Variants in FAM168B observed in about 807,000 individuals in gnomAD.
FAM168B encodes the protein family with sequence similarity 168 member B, also known as myelin-associated neurite-outgrowth inhibitor.
Under a neutral mutation model 21.8 loss-of-function variants are expected in FAM168B, and 19 were observed. That is an observed-to-expected ratio of 0.87 (90% CI 0.61 to 1.28). The LOEUF (loss-of-function observed/expected upper bound fraction) is 1.28, where lower values mean the gene tolerates loss of function less well. Among genes scored for constraint, FAM168B ranks in the 50% most tolerant of loss-of-function variants. FAM168B has a pLI of 0.00. For synonymous variants in FAM168B, 126 were observed against 104.8 expected, an observed-to-expected ratio of 1.20 and a Z score of -1.24; for missense variants, 233 against 263.1, an observed-to-expected ratio of 0.89 and a Z score of 0.79.
intron 1 of FAM168B, among the ~76,000 whole-genome samples, chr2:131,084,665 C>A (rs929893394): frequency 2.0e-5 from 3 of 152,178 alleles, no homozygotes; most frequent in Non-Finnish European, 2.9e-5. Flanking sequence ...GGACTCTACC[C>A]CTCCCCAACA....
At chr2:131,072,599 C>T (rs962395727) in intron 2 of FAM168B, among the ~76,000 whole-genome samples, 1 of 152,054 alleles carries the variant, frequency 6.6e-6, no homozygotes, top group Non-Finnish European at 1.5e-5. Flanking sequence ...GCTGGGATTA[C>T]AGGCATCTAC....
rs116666098 is a variant in FAM168B at position 131,086,038 on chromosome 2, T to C, written c.-11-3381A>G. ...GGGAGGAAACAAGTATACAAAGGCA[T>C]AGCAGGTAGGCAGGAGAATCAATTG... On this transcript the variant is annotated intron_variant, in intron 1 of 6. Transcript: ENST00000389915. 6.1e-3 allele frequency among the ~76,000 whole-genome samples: 924 copies of C among 152,280 alleles called. 9 individuals carry two copies. The highest frequency in any genetic ancestry group is 0.02 in the African/African-American group (842 of 41,556).
intron 3 of FAM168B, among the ~76,000 whole-genome samples, chr2:131,065,740 G>A (rs1692519509): frequency 6.9e-6 from 1 of 145,724 alleles, no homozygotes; most frequent in African/African-American, 2.5e-5. Context: ...AGTGAGCTGA[G>A]ATCGCACTAC....
At chr2:131,085,516 C>T (rs904304104) in intron 1 of FAM168B, among the ~76,000 whole-genome samples, 4 of 152,178 alleles carry the variant, frequency 2.6e-5, no homozygotes, top group South Asian at 2.1e-4. Context: ...AAATCCATTA[C>T]GAAGACAAAA....
chr2:131,091,346 A>C (rs932631574), intron 1 of FAM168B, among the ~76,000 whole-genome samples: 2 of 150,550 alleles, frequency 1.3e-5, no homozygotes, highest in Non-Finnish European at 3.0e-5. Flanking sequence ...CAAAAAAATA[A>C]ATGAATAAAT....
chr2:131,081,006 T>C (rs1398440887), intron 2 of FAM168B, among the ~76,000 whole-genome samples: 1 of 152,172 alleles, frequency 6.6e-6, no homozygotes, highest in East Asian at 1.9e-4. Context: ...TACTCAGCCC[T>C]TCTGGAGAAG....
At chr2:131,059,619 C>G (rs1160285087) in intron 3 of FAM168B, among the ~76,000 whole-genome samples, 2 of 152,174 alleles carry the variant, frequency 1.3e-5, no homozygotes. Flanking sequence ...GAGCTACCCT[C>G]TGTGTGTCAC....
chr2:131,091,132 G>A lies in FAM168B; in HGVS notation c.-12+2082C>T, dbSNP rs537790201. Among the ~76,000 whole-genome samples, 20 of 152,206 alleles carry A rather than the reference G, an allele frequency of 1.3e-4. No homozygotes were observed. In the East Asian group the frequency reaches 3.3e-3, roughly 25 times the overall value. On this transcript the variant is annotated intron_variant, in intron 1 of 6. Coordinates refer to ENST00000389915, the MANE Select transcript of FAM168B (RefSeq NM_001009993.4). ...GTGGATCACTTGAGGTCAAGAGTTCGAGACCAGCCTGGCCAACATAGTGAG... is the reference window on the plus strand; with the variant it reads ...GTGGATCACTTGAGGTCAAGAGTTCAAGACCAGCCTGGCCAACATAGTGAG...
In FAM168B at chr2:131,048,585, T is replaced by A; in HGVS notation, c.*3880A>T. On this transcript the variant is annotated 3_prime_UTR_variant, in exon 7 of 7. Coordinates refer to ENST00000389915, the MANE Select transcript of FAM168B (RefSeq NM_001009993.4). ...CAGTTTCCGACCCAAATAGGCCACA[T>A]ACCCCAACTTCTGTGTTACTTGGTC... The A allele has an allele frequency of 9.1e-7, 1 of 1,099,074 alleles. No individual in the cohort carries two copies. The highest frequency in any genetic ancestry group is 1.1e-6 in the Non-Finnish European group (1 of 893,206). The allele number at this position is 1,099,074 out of a possible 1,614,324, so 68.1% of individuals were successfully genotyped here.
intron 3 of FAM168B, among the ~76,000 whole-genome samples, chr2:131,065,098 G>A (rs1025069044): frequency 1.3e-5 from 2 of 152,196 alleles, no homozygotes; most frequent in African/African-American, 2.4e-5. Context: ...GGTCGGGGCA[G>A]CAAAGTGAGA....
chr2:131,074,637 G>A (rs944204379), intron 2 of FAM168B, among the ~76,000 whole-genome samples: 1 of 152,144 alleles, frequency 6.6e-6, no homozygotes, highest in Non-Finnish European at 1.5e-5. Flanking sequence ...CACTTGGACT[G>A]GGATTTTTAA....
intron 3 of FAM168B, among the ~76,000 whole-genome samples, chr2:131,061,180 C>G (rs903481734): frequency 2.2e-5 from 3 of 134,894 alleles, no homozygotes; most frequent in African/African-American, 7.9e-5. Flanking sequence ...GAAGGCCGGG[C>G]GTGGTGGCTC....
intron 1 of FAM168B, among the ~76,000 whole-genome samples, chr2:131,092,527 T>C (rs1299941771): frequency 6.6e-6 from 1 of 152,360 alleles, no homozygotes; most frequent in African/African-American, 2.4e-5. Flanking sequence ...TTTTTATTTA[T>C]AAAGCTTCCT....
chr2:131,053,655 T>C (rs78587524), intron 5 of FAM168B, among the ~76,000 whole-genome samples: 2,079 of 152,158 alleles, frequency 0.014, 41 homozygotes, highest in African/African-American at 0.043. Flanking sequence ...GGTGGGAGGA[T>C]AGCTTAAGTT....
intron 2 of FAM168B, among the ~76,000 whole-genome samples, chr2:131,078,954 T>C (rs1693301425): frequency 6.7e-6 from 1 of 148,976 alleles, no homozygotes; most frequent in African/African-American, 2.5e-5. Flanking sequence ...ACCACTGCAC[T>C]GGGGCCTGAA....
intron 3 of FAM168B, among the ~76,000 whole-genome samples, chr2:131,061,290 A>G (rs1219763770): frequency 6.7e-6 from 1 of 148,628 alleles, no homozygotes; most frequent in Non-Finnish European, 1.5e-5. Flanking sequence ...CTCGCCTCCA[A>G]AATTTAAAAA....
In FAM168B at chr2:131,071,913, T is replaced by C. The variant is rs1692890943; in HGVS notation, c.96A>G (p.Ala32=). Reference sequence around the variant, plus strand: ...TGTTAGGAGAATAGGCAGGAGCTGCTGCTGCATAGCCCATGGGAAAACCAG... The same window carrying C: ...TGTTAGGAGAATAGGCAGGAGCTGCCGCTGCATAGCCCATGGGAAAACCAG... ...YPAGFPMGYA[A]AAPAYSPNMY... is the part of the protein sequence containing the mutation. Residue 32 remains alanine (A), a synonymous_variant, in exon 3 of 7, where the codon GCA becomes GCG. Coordinates refer to ENST00000389915, the MANE Select transcript of FAM168B (RefSeq NM_001009993.4). 1 of 1,614,134 alleles carries C rather than the reference T, an allele frequency of 6.2e-7. No individual in the cohort carries two copies. The highest frequency in any genetic ancestry group is 8.5e-7 in the Non-Finnish European group (1 of 1,179,998).
rs1691444361 is a variant in FAM168B, at chr2:131,048,607, G to C, written c.*3858C>G. The C allele has an allele frequency of 1.8e-6, 2 of 1,086,126 alleles. No individual in the cohort carries two copies. Among genetic ancestry groups the C allele is most frequent in the Non-Finnish European group, 2.3e-6 (2 of 886,856 alleles). 67.3% of individuals were successfully genotyped at this position (1,086,126 alleles called of 1,614,324 possible). ...ACATACCCCAACTTCTGTGTTACTT[G>C]GTCAGTTGAGCCCCTGGAGCCCTCA... is the stretch of plus-strand genomic sequence containing the variant. On this transcript the variant is annotated 3_prime_UTR_variant, in exon 7 of 7. Transcript: ENST00000389915.
At position 131,091,295 on chromosome 2, in the gene FAM168B, C is replaced by G. The variant is rs1046392441; in HGVS notation, c.-12+1919G>C. Among the ~76,000 whole-genome samples, 6 of 151,884 alleles carry G rather than the reference C, an allele frequency of 4.0e-5. No homozygotes were observed. In the East Asian group the frequency reaches 7.8e-4, roughly 20 times the overall value. On this transcript the variant is annotated intron_variant, in intron 1 of 6. Coordinates refer to ENST00000389915, the MANE Select transcript of FAM168B (RefSeq NM_001009993.4). The stretch of plus-strand genomic sequence containing the variant: ...AGGAGGTTGCAGTGAGCCGAGATCA[C>G]TCCACTGCACTCCAGCCTGGGCGAC...
Sources: allele counts gnomAD v4.1 joint callset (sites outside exome capture counted in the v4.1 genomes callset), GRCh38; gene constraint gnomAD v4.1.1; transcripts MANE v1.5; gene names NCBI Gene and HGNC (gene_info 2026-07-23, HGNC 2026-07-21).